GPI: variants seen among roughly 807,000 people sequenced by gnomAD.
GPI encodes the protein glucose-6-phosphate isomerase, also known as D-hexose-6-phosphate anomerase.
A neutral mutation model predicts 75.8 loss-of-function variants in GPI; 56 were observed. The ratio of observed to expected loss-of-function variants is 0.74; its 90% CI spans 0.60 to 0.92. The LOEUF (loss-of-function observed/expected upper bound fraction) is 0.92. GPI is among the 40% of genes least tolerant of loss of function. The pLI, the probability that GPI is intolerant of heterozygous loss-of-function variation, is 0.00. For synonymous variants in GPI, 288 were observed against 285.4 expected (o/e 1.01, Z -0.09); for missense variants, 638 against 741.0 (o/e 0.86, Z 1.61).
chr19:34,397,756 C>T (rs1037638907), intron 14 of GPI: 1 of 151,714 alleles, frequency 6.6e-6, no homozygotes, highest in Non-Finnish European at 1.5e-5. Flanking sequence ...ATTCTCCTGC[C>T]TCGGCCTCCC....
chr19:34,399,595 A>G lies in GPI; in HGVS notation c.1438A>G (p.Thr480Ala). The part of the protein sequence containing the change: ...GNRPTNSIVF[T>A]KLTPFMLGAL... ...TCGCCCAACCAACTCTATTGTGTTC[A>G]CCAAGCTCACACCATTCATGCTTGG... Residue 480 changes from threonine to alanine, a missense_variant, in exon 16 of 18, where the codon ACC becomes GCC. By Grantham distance (58) the Thr-to-Ala change is moderately conservative. Coordinates refer to ENST00000356487, the MANE Select transcript of GPI (RefSeq NM_000175.5). 6.2e-7 allele frequency: 1 copy of G among 1,614,122 alleles called. No individual in the cohort carries two copies. The highest frequency in any genetic ancestry group is 8.5e-7 in the Non-Finnish European group (1 of 1,180,008).
At chr19:34,370,666 A>G (rs774089144) in intron 4 of GPI, among the ~76,000 whole-genome samples, 48 of 152,004 alleles carry the variant, frequency 3.2e-4, no homozygotes, top group Non-Finnish European at 6.2e-4. Flanking sequence ...CAGAGGTTGC[A>G]GTGAGCCAAG....
At chr19:34,396,986 G>T (rs2074955746) in intron 14 of GPI, among the ~76,000 whole-genome samples, 1 of 152,118 alleles carries the variant, frequency 6.6e-6, no homozygotes, top group Admixed American at 6.5e-5. Context: ...AATTTTTGTA[G>T]TTTTGGTAAA....
intron 4 of GPI, chr19:34,368,938 T>C (rs2074408752): frequency 1.7e-6 from 1 of 600,744 alleles, no homozygotes. Context: ...GCCAGTTTCT[T>C]TCCTGAATTG....
intron 6 of GPI, among the ~76,000 whole-genome samples, chr19:34,378,614 A>G (rs2074588937): frequency 6.6e-6 from 1 of 152,178 alleles, no homozygotes; most frequent in Admixed American, 6.5e-5. Flanking sequence ...TGTACATAAA[A>G]TATGAAGAAT....
rs778031731 is a variant in GPI, at chr19:34,366,255, A to T, written c.123-90A>T. 20 of 866,306 alleles carry T rather than the reference A, an allele frequency of 2.3e-5. 1 individual carries two copies. Among genetic ancestry groups the T allele is most frequent in the South Asian group, 2.2e-4 (17 of 75,734 alleles). 53.7% of individuals were successfully genotyped at this position (866,306 alleles called of 1,614,324 possible). On this transcript the variant is annotated intron_variant, in intron 1 of 17. Coordinates refer to ENST00000356487, the MANE Select transcript of GPI (RefSeq NM_000175.5). ...CCTTGTGGGGCGTGGGTCAGGGAGG[A>T]TGTTTCTTCTGGGAACAGCTCCTGC...
chr19:34,381,565 C>T (rs1419114100), intron 9 of GPI, 46 bp downstream of exon 9: 1 of 1,295,926 alleles, frequency 7.7e-7, no homozygotes. Flanking sequence ...TGTCCTTTGC[C>T]AAGTCATGGC....
Position 34,393,481 on chromosome 19 carries a change from G to A in GPI, c.865+173G>A, listed in dbSNP as rs1209323146. ...AGAAGGAAGGTCTGGGTTTTTTTGC[G>A]TGTGCAAGTTGGCCCCCGTCTTTGC... On this transcript the variant is annotated intron_variant, in intron 10 of 17. Transcript: ENST00000356487. This position sits in a 1 kb window ranked among gnomAD's most constrained non-coding sequence, Gnocchi z 4.4. 16 of 746,594 alleles carry A rather than the reference G, an allele frequency of 2.1e-5. No homozygotes were observed. Among genetic ancestry groups the A allele is most frequent in the South Asian group, 1.3e-4 (9 of 67,596 alleles). 46.2% of individuals were successfully genotyped at this position (746,594 alleles called of 1,614,324 possible).
intron 4 of GPI, chr19:34,368,933 T>G (rs542101649): frequency 1.6e-6 from 1 of 606,936 alleles, no homozygotes; most frequent in East Asian, 2.9e-5. Context: ...GTGGGGCCAG[T>G]TTCTTTCCTG....
At chr19:34,399,133 G>T in intron 14 of GPI, 74 bp from the exon 15 acceptor site, 1 of 1,491,656 alleles carries the variant, frequency 6.7e-7, no homozygotes, top group Non-Finnish European at 9.1e-7. Flanking sequence ...CTGCTGAGAA[G>T]TACCAGGCGG....
At chr19:34,363,463 G>A (rs959382406), upstream of GPI, 3 of 152,276 alleles carry the variant, frequency 2.0e-5, no homozygotes, top group African/African-American at 7.2e-5. Flanking sequence ...AGGATTTGGG[G>A]TGGGAATTCT....
rs977657435 is a variant in GPI, at chr19:34,365,236, C to A, written c.-31C>A. ...CCGGCGCTCCTTCCTCCTCGGCTCG[C>A]GTCTCACTCAGTGTACCTTCTAGTC... On this transcript the variant is annotated 5_prime_UTR_variant, in exon 1 of 18. Coordinates refer to ENST00000356487, the MANE Select transcript of GPI (RefSeq NM_000175.5). 2.7e-6 allele frequency: 4 copies of A among 1,485,842 alleles called. No individual in the cohort carries two copies. Among genetic ancestry groups the A allele is most frequent in the Non-Finnish European group, 3.6e-6 (4 of 1,116,012 alleles). The allele number at this position is 1,485,842 out of a possible 1,614,324, so 92.0% of individuals were successfully genotyped here.
intron 8 of GPI, 108 bp from the exon 9 acceptor site, chr19:34,381,358 G>T: frequency 1.2e-6 from 1 of 814,718 alleles, no homozygotes; most frequent in Non-Finnish European, 2.2e-6. Flanking sequence ...TCTGGGGAAG[G>T]TGAGGCTCAG....
upstream of GPI, chr19:34,364,751 C>A: frequency 2.4e-6 from 1 of 420,778 alleles, no homozygotes; most frequent in Non-Finnish European, 4.2e-6. Context: ...ATAGCCCTTA[C>A]CACCAGCAGA....
In GPI at chr19:34,393,549, G is replaced by A; in HGVS notation, c.866-179G>A. The A allele has an allele frequency of 1.4e-6, 1 of 719,806 alleles. No homozygotes were observed. The highest frequency in any genetic ancestry group is 2.1e-5 in the Admixed American group (1 of 48,608). The allele number at this position is 719,806 out of a possible 1,614,324, so 44.6% of individuals were successfully genotyped here. A position where few individuals can be genotyped will look rare whatever the true frequency, so the allele number is the denominator to read the frequency against. ...CTGTTTCTCTCCTATCCTAGGCAGA[G>A]TCAGATCCCTGCACTCAGGGCCACC... On this transcript the variant is annotated intron_variant, in intron 10 of 17. Coordinates refer to ENST00000356487, the MANE Select transcript of GPI (RefSeq NM_000175.5). The surrounding 1 kb of genome is among the most constrained non-coding windows in gnomAD (Gnocchi z 4.4).
chr19:34,376,195 G>A (rs2074532755), intron 4 of GPI, among the ~76,000 whole-genome samples: 1 of 152,138 alleles, frequency 6.6e-6, no homozygotes, highest in African/African-American at 2.4e-5. Flanking sequence ...AGGTCAAGAT[G>A]GGAGGATTAT....
rs1288003663 is a variant in GPI at position 34,396,243 on chromosome 19, CTT to C, written c.1063-56_1063-55del. 4.4e-6 allele frequency: 7 copies of C among 1,605,814 alleles called. No homozygotes were observed. The African/African-American group carries it at 8.0e-5, about 18-fold the overall frequency. On this transcript the variant is annotated intron_variant, in intron 12 of 17. Transcript: ENST00000356487. ...TTGAGCCACTGCGCTCAGCCTCTTT[CTT>C]TCTTTTTAAATGTTCTTTCATTTTG...
In GPI at chr19:34,399,292, C is replaced by G. The variant is rs199570323; in HGVS notation, c.1355C>G (p.Ala452Gly). The change falls in exon 15 of 18, where the codon GCG (alanine) becomes GGG (glycine). Residue 452 changes from alanine (A) to glycine (G), a missense_variant. Coordinates refer to ENST00000356487, the MANE Select transcript of GPI (RefSeq NM_000175.5). ...TEEARKELQA[A>G]GKSPEDLERL... Reference sequence around the variant, plus strand: ...GAGGCCCGAAAGGAGCTCCAGGCTGCGGGCAAGAGTCCAGAGGACCTTGAG... The same window carrying G: ...GAGGCCCGAAAGGAGCTCCAGGCTGGGGGCAAGAGTCCAGAGGACCTTGAG... 97 of 1,613,942 alleles carry G rather than the reference C, an allele frequency of 6.0e-5. No individual in the cohort carries two copies. The highest frequency in any genetic ancestry group is 7.6e-5 in the Non-Finnish European group (90 of 1,179,998).
At chr19:34,360,524 A>G (rs945281471), upstream of GPI, among the ~76,000 whole-genome samples, 2 of 152,156 alleles carry the variant, frequency 1.3e-5, no homozygotes, top group Non-Finnish European at 2.9e-5. Flanking sequence ...GCTTGAGCCC[A>G]GAGTTCAAGG....
Sources: allele counts gnomAD v4.1 joint callset (sites outside exome capture counted in the v4.1 genomes callset), GRCh38; gene constraint gnomAD v4.1.1; non-coding constraint Gnocchi (gnomAD v3.1); transcripts MANE v1.5; gene names NCBI Gene and HGNC (gene_info 2026-07-23, HGNC 2026-07-21).